The following KIAA1217 variants were observed in gnomAD, a reference collection of about 807,000 sequenced individuals.
KIAA1217 encodes KIAA1217, also known as sickle tail protein homolog.
KIAA1217 carries 88 observed loss-of-function variants against 163.9 expected under a neutral mutation model. The observed-to-expected ratio is 0.54, with a 90% CI of 0.45 to 0.64. The LOEUF is 0.64. Among genes scored for constraint, KIAA1217 ranks in the 30% least tolerant of loss-of-function variants. The pLI is 0.00. For synonymous variants in KIAA1217, 903 were observed against 923.1 expected, an observed-to-expected ratio of 0.98 and a Z score of 0.39; for missense variants, 2,372 against 2,475.0, an observed-to-expected ratio of 0.96 and a Z score of 0.88.
intron 2 of KIAA1217, among the ~76,000 whole-genome samples, chr10:24,324,585 A>G (rs937327443): frequency 1.3e-5 from 2 of 152,092 alleles, no homozygotes; most frequent in African/African-American, 2.4e-5. Flanking sequence ...CAAACAAACA[A>G]ACATACAAAA....
chr10:24,275,847 A>C, intron 2 of KIAA1217: 2 of 455,148 alleles, frequency 4.4e-6, no homozygotes, highest in African/African-American at 2.0e-5. Flanking sequence ...GCAGTGTCTC[A>C]TCTGCAGGAG....
At chr10:23,835,817 G>C (rs1037249257) in intron 1 of KIAA1217, among the ~76,000 whole-genome samples, 5 of 151,986 alleles carry the variant, frequency 3.3e-5, no homozygotes, top group Admixed American at 3.3e-4. Flanking sequence ...ACTGCCATGA[G>C]AAGTCATTTC....
At chr10:23,976,950 A>G (rs1231811305) in intron 1 of KIAA1217, among the ~76,000 whole-genome samples, 1 of 152,210 alleles carries the variant, frequency 6.6e-6, no homozygotes, top group Non-Finnish European at 1.5e-5. Context: ...TCAGAGAGCT[A>G]ATAAAACCCC....
At chr10:23,895,824 G>A (rs1406697013) in intron 1 of KIAA1217, among the ~76,000 whole-genome samples, 2 of 151,852 alleles carry the variant, frequency 1.3e-5, no homozygotes, top group Non-Finnish European at 2.9e-5. Flanking sequence ...AAAAAATGAT[G>A]AGTTCATGTC....
chr10:23,835,359 G>T (rs1189333089), intron 1 of KIAA1217, among the ~76,000 whole-genome samples: 1 of 151,862 alleles, frequency 6.6e-6, no homozygotes, highest in East Asian at 1.9e-4. Context: ...TCTCAAAAAT[G>T]GAGTGATTTT....
intron 1 of KIAA1217, among the ~76,000 whole-genome samples, chr10:23,774,407 G>T (rs533942781): frequency 1.3e-5 from 2 of 152,286 alleles, no homozygotes; most frequent in East Asian, 3.9e-4. Flanking sequence ...ACTTCAGAGG[G>T]TGTCACTGTG....
At chr10:24,095,351 C>T (rs1283569193) in intron 2 of KIAA1217, among the ~76,000 whole-genome samples, 3 of 152,146 alleles carry the variant, frequency 2.0e-5, no homozygotes, top group South Asian at 2.1e-4. Flanking sequence ...AGCCGTAGAC[C>T]GGAGCTGTTC....
chr10:24,473,294 C>T lies in KIAA1217; in HGVS notation c.913C>T (p.His305Tyr), dbSNP rs2133066371. 1 of 1,542,628 alleles carries T rather than the reference C, an allele frequency of 6.5e-7. No homozygotes were observed. Among genetic ancestry groups the T allele is most frequent in the Non-Finnish European group, 8.7e-7 (1 of 1,145,238 alleles). The change falls in exon 6 of 21, where the codon CAT becomes TAT. Residue 305 changes from histidine (H) to tyrosine (Y), a missense_variant. Transcript: ENST00000376454. ...GGCCCCTCGCCCCGGATCTACTGCT[C>T]ATCCACCCCATGCGATTCCAAATTC... ...PGAPRPGSTA[H>Y]PPHAIPNSPP...
rs1462742429 is a variant in KIAA1217, at chr10:23,930,510, C to T, written c.-320-76715C>T. On this transcript the variant is annotated intron_variant, in intron 1 of 18. Transcript: ENST00000376462. ...TCGGCAGCAGACATTTTTTCACATT[C>T]GAATGTTTCTAAAACTGGTTTGCAT... is the stretch of plus-strand genomic sequence containing the variant. 2.0e-5 allele frequency among the ~76,000 whole-genome samples: 3 copies of T among 152,184 alleles called. No homozygotes were observed. The South Asian group carries it at 6.2e-4, about 32-fold the overall frequency.
At chr10:24,090,330 C>CTTTT (rs1409061598) in intron 2 of KIAA1217, among the ~76,000 whole-genome samples, 2 of 114,282 alleles carry the variant, frequency 1.8e-5, no homozygotes, top group African/African-American at 4.7e-5. Flanking sequence ...TCACATCCTG[C>CTTTT]TCTTTTTTTT....
intron 1 of KIAA1217, among the ~76,000 whole-genome samples, chr10:23,942,337 C>G (rs1003357430): frequency 2.6e-5 from 4 of 151,894 alleles, no homozygotes; most frequent in Non-Finnish European, 2.9e-5. Flanking sequence ...TGAGGAATAC[C>G]AGAAGAGAAA....
At chr10:24,004,049 A>G (rs1421144053) in intron 1 of KIAA1217, among the ~76,000 whole-genome samples, 1 of 152,098 alleles carries the variant, frequency 6.6e-6, no homozygotes, top group Non-Finnish European at 1.5e-5. Context: ...GCACGATCTC[A>G]GCTCACTGCA....
chr10:24,042,246 G>GT (rs71506823), intron 2 of KIAA1217: 243 of 145,934 alleles, frequency 1.7e-3, no homozygotes, highest in East Asian at 5.1e-3. Context: ...GAGTTTTGTT[G>GT]TTTTTTTTTT....
intron 8 of KIAA1217, among the ~76,000 whole-genome samples, chr10:24,500,245 C>T (rs1166416750): frequency 6.7e-6 from 1 of 149,288 alleles, no homozygotes; most frequent in Non-Finnish European, 1.5e-5. Flanking sequence ...GATCCAGCCT[C>T]TACTCCAGAA....
chr10:23,787,566 C>T (rs1835551300), intron 1 of KIAA1217, among the ~76,000 whole-genome samples: 1 of 152,048 alleles, frequency 6.6e-6, no homozygotes, highest in Non-Finnish European at 1.5e-5. Flanking sequence ...AGGTGATGTT[C>T]TGGATAAAAG....
chr10:23,761,824 G>GTT (rs201084128), intron 1 of KIAA1217, among the ~76,000 whole-genome samples: 5 of 150,486 alleles, frequency 3.3e-5, no homozygotes, highest in African/African-American at 9.8e-5. Context: ...ATTAGCTGGT[G>GTT]TTTTTTTTTG....
Position 24,531,826 on chromosome 10 carries a change from C to T in KIAA1217, c.3083-4C>T. The T allele has an allele frequency of 6.3e-7, 1 of 1,585,892 alleles. No individual in the cohort carries two copies. Reference sequence around the variant, plus strand: ...TATTCTTGTAATGGTGCACTGTTTTCCAGAAGATTCTCCAAATTCGGAACA... The same window carrying T: ...TATTCTTGTAATGGTGCACTGTTTTTCAGAAGATTCTCCAAATTCGGAACA... On this transcript the variant is annotated splice_region_variant and splice_polypyrimidine_tract_variant and intron_variant, in intron 14 of 20. Transcript: ENST00000376454.
chr10:23,975,721 C>A (rs972123308), intron 1 of KIAA1217, among the ~76,000 whole-genome samples: 4 of 152,164 alleles, frequency 2.6e-5, no homozygotes, highest in African/African-American at 9.6e-5. Context: ...GTGCCTACTA[C>A]CACTGAACAA....
chr10:24,222,305 C>A lies in KIAA1217; in HGVS notation c.354+2396C>A, dbSNP rs139347044. ...AACAAGTCACATTCTATCTTTCTGCCTCTTTTGTACTCGAAGCTGACCATC... is the reference window on the plus strand; with the variant it reads ...AACAAGTCACATTCTATCTTTCTGCATCTTTTGTACTCGAAGCTGACCATC... On this transcript the variant is annotated intron_variant, in intron 2 of 20. Coordinates refer to ENST00000376454, the MANE Select transcript of KIAA1217 (RefSeq NM_019590.5). Among the ~76,000 whole-genome samples, 243 of 152,270 alleles carry A rather than the reference C, an allele frequency of 1.6e-3. 1 individual carries two copies. The highest frequency in any genetic ancestry group is 5.6e-3 in the African/African-American group (234 of 41,552).
Sources: gnomAD v4.1 joint callset for allele counts (sites outside exome capture counted in the v4.1 genomes callset) on GRCh38, gnomAD v4.1.1 for gene constraint, MANE v1.5 for transcripts, NCBI Gene and HGNC (gene_info 2026-07-23, HGNC 2026-07-21) for gene names.